Variants in CDH2 observed in about 807,000 individuals in gnomAD.
The protein encoded by CDH2 is cadherin 2.
Under a neutral mutation model 92.0 loss-of-function variants are expected in CDH2, and 17 were observed. The observed-to-expected ratio is 0.18, with a 90% CI of 0.13 to 0.28. CDH2 has a LOEUF of 0.28. Ranked by LOEUF, CDH2 falls within the 10% of genes least tolerant of loss-of-function variation. The pLI, the probability that CDH2 is intolerant of heterozygous loss-of-function variation, is 1.00. For synonymous variants in CDH2, 419 were observed against 415.9 expected (o/e 1.01, Z -0.09); for missense variants, 862 against 1,133.1 (o/e 0.76, Z 3.44).
chr18:28,132,503 G>A (rs1423636617), intron 2 of CDH2, among the ~76,000 whole-genome samples: 7 of 152,116 alleles, frequency 4.6e-5, no homozygotes, highest in Non-Finnish European at 5.9e-5. Flanking sequence ...AGAGAAGGAC[G>A]GAAGGGGGCA....
chr18:28,003,287 A>G, intron 6 of CDH2, 118 bp from the exon 7 acceptor site: 1 of 727,754 alleles, frequency 1.4e-6, no homozygotes, highest in Non-Finnish European at 2.2e-6. Context: ...CAAATATTTA[A>G]AGTCATTTAG....
chr18:28,127,809 C>T (rs1223643178), intron 2 of CDH2, among the ~76,000 whole-genome samples: 1 of 152,176 alleles, frequency 6.6e-6, no homozygotes, highest in Non-Finnish European at 1.5e-5. Flanking sequence ...ATTTTATATA[C>T]ACACATAAAC....
At chr18:28,023,115 A>G (rs2013454886) in intron 2 of CDH2, among the ~76,000 whole-genome samples, 1 of 152,184 alleles carries the variant, frequency 6.6e-6, no homozygotes, top group Admixed American at 6.6e-5. Context: ...ATCTTTGAAT[A>G]AAGCTCTAGC....
At position 28,099,041 on chromosome 18, in the gene CDH2, A is replaced by T. The variant is rs1055722923; in HGVS notation, c.172+48632T>A. Among the ~76,000 whole-genome samples, 8 of 152,196 alleles carry T rather than the reference A, an allele frequency of 5.3e-5. No homozygotes were observed. The South Asian group carries it at 1.7e-3, about 32-fold the overall frequency. Reference sequence around the variant, plus strand: ...CATGGAGTAACTAAGTAAGTGTGTTACAGGTAATACTTATTTTCTTTTTGC... The same window carrying T: ...CATGGAGTAACTAAGTAAGTGTGTTTCAGGTAATACTTATTTTCTTTTTGC... On this transcript the variant is annotated intron_variant, in intron 2 of 15. Transcript: ENST00000269141.
At chr18:28,110,199 A>T (rs2015388929) in intron 2 of CDH2, among the ~76,000 whole-genome samples, 1 of 152,226 alleles carries the variant, frequency 6.6e-6, no homozygotes, top group Non-Finnish European at 1.5e-5. Flanking sequence ...TCCGCTGTTT[A>T]GCATTATCCC....
intron 2 of CDH2, among the ~76,000 whole-genome samples, chr18:28,064,198 C>T (rs1391225588): frequency 6.6e-6 from 1 of 152,114 alleles, no homozygotes; most frequent in African/African-American, 2.4e-5. Flanking sequence ...TGACTCCCAT[C>T]TCTAAACATG....
chr18:27,951,934 G>C lies in CDH2; in HGVS notation c.*219C>G. On this transcript the variant is annotated 3_prime_UTR_variant, in exon 16 of 16. Transcript: ENST00000269141. ...AGGCACATAAAATCCCAGTGCTTCT[G>C]TACTGTAAAATTCAAGTGTAACTGA... The C allele has an allele frequency of 1.8e-6, 1 of 565,146 alleles. No homozygotes were observed. The highest frequency in any genetic ancestry group is 3.2e-6 in the Non-Finnish European group (1 of 315,702). 35.0% of individuals were successfully genotyped at this position (565,146 alleles called of 1,614,324 possible).
At chr18:27,976,681 T>C (rs191025177) in intron 14 of CDH2, among the ~76,000 whole-genome samples, 1 of 152,356 alleles carries the variant, frequency 6.6e-6, no homozygotes. Flanking sequence ...AACGAAATAA[T>C]GTACTTAGTA....
intron 2 of CDH2, among the ~76,000 whole-genome samples, chr18:28,124,843 T>C (rs751415775): frequency 2.0e-5 from 3 of 152,222 alleles, no homozygotes; most frequent in African/African-American, 7.2e-5. Flanking sequence ...CAAGTTGCTA[T>C]GCCTCTCAGT....
intron 2 of CDH2, among the ~76,000 whole-genome samples, chr18:28,077,890 CAAAAAAAAAAAA>C (rs71171659): frequency 3.0e-5 from 2 of 67,314 alleles, no homozygotes; most frequent in Non-Finnish European, 5.3e-5. Context: ...GACCCTGTCT[CAAAAAAAAAAAA>C]AAAAAAAAAA....
chr18:28,018,202 A>G (rs2013307384), intron 2 of CDH2, among the ~76,000 whole-genome samples: 1 of 152,022 alleles, frequency 6.6e-6, no homozygotes, highest in Non-Finnish European at 1.5e-5. Context: ...GCTGTAAGGA[A>G]AACTACAAAA....
chr18:27,986,802 C>A (rs796237458), intron 11 of CDH2, among the ~76,000 whole-genome samples: 18 of 152,200 alleles, frequency 1.2e-4, no homozygotes, highest in African/African-American at 4.1e-4. Flanking sequence ...TATTCCAACA[C>A]CACCATGACC....
chr18:28,031,101 C>T (rs1379898896), intron 2 of CDH2, among the ~76,000 whole-genome samples: 1 of 151,306 alleles, frequency 6.6e-6, no homozygotes, highest in Non-Finnish European at 1.5e-5. Flanking sequence ...CTACATCTAA[C>T]TGCCTGCTTG....
chr18:28,151,537 A>AT (rs1264226091), intron 1 of CDH2, among the ~76,000 whole-genome samples: 2 of 152,150 alleles, frequency 1.3e-5, no homozygotes, highest in Non-Finnish European at 2.9e-5. Flanking sequence ...CTACCTACCC[A>AT]TTAACACTGC....
chr18:27,938,255 G>A (rs1479596757), intron 6 of CDH2, among the ~76,000 whole-genome samples: 1 of 152,020 alleles, frequency 6.6e-6, no homozygotes, highest in African/African-American at 2.4e-5. Flanking sequence ...CTGCAGAACC[G>A]TGAACCAGTT....
chr18:28,060,220 T>C (rs545071743), intron 2 of CDH2, among the ~76,000 whole-genome samples: 1 of 152,306 alleles, frequency 6.6e-6, no homozygotes, highest in African/African-American at 2.4e-5. Context: ...AGAGTCTCAC[T>C]CTTTTGCCCA....
chr18:27,985,495 G>A, intron 12 of CDH2, 33 bp downstream of exon 12: 1 of 1,385,184 alleles, frequency 7.2e-7, no homozygotes, highest in Non-Finnish European at 1.0e-6. Flanking sequence ...TCTCTCAACT[G>A]CACATATATT....
At chr18:28,017,066 C>G (rs952374388) in intron 2 of CDH2, among the ~76,000 whole-genome samples, 7 of 151,974 alleles carry the variant, frequency 4.6e-5, no homozygotes, top group African/African-American at 1.7e-4. Context: ...TTCATCATTG[C>G]TCTGTTGTAG....
intron 2 of CDH2, among the ~76,000 whole-genome samples, chr18:28,085,528 C>A (rs2014910501): frequency 6.6e-6 from 1 of 152,114 alleles, no homozygotes; most frequent in South Asian, 2.1e-4. Flanking sequence ...TGTATGGTTG[C>A]AACCACTACC....
Sources: allele counts gnomAD v4.1 joint callset (sites outside exome capture counted in the v4.1 genomes callset), GRCh38; gene constraint gnomAD v4.1.1; transcripts MANE v1.5; gene names NCBI Gene and HGNC (gene_info 2026-07-23, HGNC 2026-07-21).